The following IRAK4 variants were observed in gnomAD, a reference collection of about 807,000 sequenced individuals.
IRAK4 encodes interleukin 1 receptor associated kinase 4.
Under a neutral mutation model 51.8 loss-of-function variants are expected in IRAK4, and 44 were observed. That is an observed-to-expected ratio of 0.85 (90% CI 0.67 to 1.09). IRAK4 has a LOEUF of 1.09. Ranked by LOEUF, IRAK4 falls within the 50% of genes least tolerant of loss-of-function variation. The probability of loss-of-function intolerance (pLI) is 0.00; values close to 1 mark genes in which losing one functional copy is unlikely to be tolerated. For synonymous variants in IRAK4, 149 were observed against 174.1 expected, an observed-to-expected ratio of 0.86 and a Z score of 1.13; for missense variants, 487 against 538.0, an observed-to-expected ratio of 0.91 and a Z score of 0.94.
chr12:43,774,008 A>G lies in IRAK4; in HGVS notation c.695A>G (p.Gln232Arg), dbSNP rs1163112579. 4 of 1,610,382 alleles carry G rather than the reference A, an allele frequency of 2.5e-6. No homozygotes were observed. The highest frequency in any genetic ancestry group is 2.7e-5 in the African/African-American group (2 of 74,902). The change falls in exon 6 of 12, where the codon CAA becomes CGA. Residue 232 changes from glutamine to arginine, a missense_variant. Gln to Arg is a conservative substitution (Grantham distance 43). Transcript: ENST00000613694. Reference sequence around the variant, plus strand: ...GAAGAACTGAAACAGCAGTTTGATCAAGAAATAAAAGTAATGGCAAAGTAA... The same window carrying G: ...GAAGAACTGAAACAGCAGTTTGATCGAGAAATAAAAGTAATGGCAAAGTAA... ...TTEELKQQFDQEIKVMAKCQH... is the reference protein window; with the variant it reads ...TTEELKQQFDREIKVMAKCQH...
intron 10 of IRAK4, 102 bp downstream of exon 10, chr12:43,783,826 A>T: frequency 1.3e-6 from 1 of 785,846 alleles, no homozygotes; most frequent in Non-Finnish European, 2.2e-6. Flanking sequence ...TTCTATTGGC[A>T]ATCTTTCCAT....
intron 1 of IRAK4, among the ~76,000 whole-genome samples, chr12:43,760,481 G>A (rs1939404773): frequency 7.2e-5 from 11 of 152,160 alleles, no homozygotes; most frequent in Admixed American, 7.2e-4. Context: ...GATAAACAAA[G>A]TCAATACAAA....
At chr12:43,782,702 G>T (rs1194252202) in intron 9 of IRAK4, among the ~76,000 whole-genome samples, 2 of 152,112 alleles carry the variant, frequency 1.3e-5, no homozygotes, top group African/African-American at 4.8e-5. Context: ...TACAAGAAAT[G>T]ATTTTCTTGC....
intron 1 of IRAK4, among the ~76,000 whole-genome samples, chr12:43,764,752 T>C (rs901308165): frequency 6.6e-6 from 1 of 152,148 alleles, no homozygotes; most frequent in African/African-American, 2.4e-5. Context: ...AGAAGGACTC[T>C]GTGGTGAAGC....
Position 43,774,100 on chromosome 12 carries a change from T to C in IRAK4, c.716+71T>C. On this transcript the variant is annotated intron_variant, in intron 6 of 11. Coordinates refer to ENST00000613694, the MANE Select transcript of IRAK4 (RefSeq NM_016123.4). The stretch of plus-strand genomic sequence containing the variant: ...AAGGAGTAAAGAACCTGGTTCACTC[T>C]AGAGTATGCCATGAACTAGTGATGT... 3.0e-6 allele frequency: 3 copies of C among 995,362 alleles called. No homozygotes were observed. The Admixed American group carries it at 5.2e-5, about 17-fold the overall frequency. The allele number at this position is 995,362 out of a possible 1,614,324, so 61.7% of individuals were successfully genotyped here.
intron 2 of IRAK4, 37 bp from the exon 3 acceptor site, chr12:43,771,183 A>G (rs765913269): frequency 1.3e-6 from 2 of 1,558,890 alleles, no homozygotes; most frequent in Non-Finnish European, 1.8e-6. Flanking sequence ...GACTAAGACA[A>G]TAGACTAATT....
In IRAK4 at chr12:43,782,447, G is replaced by A. The variant is rs764106350; in HGVS notation, c.1082G>A (p.Arg361His). Reference protein sequence around the residue: ...TTAYMAPEALRGEITPKSDIY... With the variant: ...TTAYMAPEALHGEITPKSDIY... The stretch of plus-strand genomic sequence containing the variant: ...GCTTATATGGCACCAGAAGCTTTGC[G>A]TGGAGAAATAACACCCAAATCTGAT... Residue 361 changes from arginine (R) to histidine (H), a missense_variant, in exon 9 of 12, where the codon CGT becomes CAT. Coordinates refer to ENST00000613694, the MANE Select transcript of IRAK4 (RefSeq NM_016123.4). 5.0e-5 allele frequency: 80 copies of A among 1,613,728 alleles called. No individual in the cohort carries two copies. The South Asian group carries it at 6.7e-4, about 14-fold the overall frequency.
intron 9 of IRAK4, 90 bp from the exon 10 acceptor site, chr12:43,783,572 C>A: frequency 1.3e-6 from 1 of 799,096 alleles, no homozygotes; most frequent in Admixed American, 2.0e-5. Context: ...CCTCCCACAT[C>A]TGTCTCCCAA....
Position 43,782,537 on chromosome 12 carries a change from T to C in IRAK4, c.1125+47T>C, listed in dbSNP as rs141744873. The C allele has an allele frequency of 2.5e-4, 369 of 1,457,500 alleles. 2 individuals carry two copies. In the East Asian group the frequency reaches 7.3e-3, roughly 29 times the overall value. The allele number at this position is 1,457,500 out of a possible 1,614,324, so 90.3% of individuals were successfully genotyped here. A position where few individuals can be genotyped will look rare whatever the true frequency, so the allele number is the denominator to read the frequency against. On this transcript the variant is annotated intron_variant, in intron 9 of 11. Coordinates refer to ENST00000613694, the MANE Select transcript of IRAK4 (RefSeq NM_016123.4). ...ATTAAAAATAATCATTCTGCTATAATTGTGAAAATGAAGAGAATATTATTT... is the reference window on the plus strand; with the variant it reads ...ATTAAAAATAATCATTCTGCTATAACTGTGAAAATGAAGAGAATATTATTT...
intron 9 of IRAK4, 87 bp downstream of exon 9, chr12:43,782,577 G>A (rs1941872955): frequency 1.8e-6 from 2 of 1,087,918 alleles, no homozygotes; most frequent in Middle Eastern, 2.3e-4. Flanking sequence ...CACCCATCTT[G>A]TTTATCTCTC....
chr12:43,786,836 T>A lies in IRAK4; in HGVS notation c.*121T>A. 1 of 842,966 alleles carries A rather than the reference T, an allele frequency of 1.2e-6. No individual in the cohort carries two copies. Among genetic ancestry groups the A allele is most frequent in the Non-Finnish European group, 1.9e-6 (1 of 517,302 alleles). The allele number at this position is 842,966 out of a possible 1,614,324, so 52.2% of individuals were successfully genotyped here. On this transcript the variant is annotated 3_prime_UTR_variant, in exon 12 of 12. Coordinates refer to ENST00000613694, the MANE Select transcript of IRAK4 (RefSeq NM_016123.4). ...CAAGGCATAGGCTGTTGCAGGACAG[T>A]GGTTATTAAAGCATGGGTTGAACTT...
Position 43,782,166 on chromosome 12 carries a change from C to T in IRAK4, c.942-141C>T, listed in dbSNP as rs929737010. The T allele has an allele frequency of 6.2e-6, 4 of 647,902 alleles. No homozygotes were observed. In the South Asian group the frequency reaches 7.4e-5, roughly 12 times the overall value. 40.1% of individuals were successfully genotyped at this position (647,902 alleles called of 1,614,324 possible). On this transcript the variant is annotated intron_variant, in intron 8 of 11. Coordinates refer to ENST00000613694, the MANE Select transcript of IRAK4 (RefSeq NM_016123.4). ...TTATGATGCATACTATAAAACGTTA[C>T]ACTCTGTAAATATGTATGTACATAT...
chr12:43,779,620 G>T (rs1384615020), intron 8 of IRAK4, among the ~76,000 whole-genome samples: 1 of 152,150 alleles, frequency 6.6e-6, no homozygotes, highest in South Asian at 2.1e-4. Flanking sequence ...GGTTCAGGAA[G>T]AGCGAAGTAT....
At chr12:43,765,958 C>G (rs1435927953) in intron 1 of IRAK4, among the ~76,000 whole-genome samples, 2 of 152,156 alleles carry the variant, frequency 1.3e-5, no homozygotes, top group African/African-American at 4.8e-5. Context: ...TTCCCCTACC[C>G]TATACTTTTT....
At chr12:43,765,622 A>G (rs1258737435) in intron 1 of IRAK4, among the ~76,000 whole-genome samples, 2 of 141,058 alleles carry the variant, frequency 1.4e-5, no homozygotes, top group East Asian at 2.0e-4. Flanking sequence ...TTTTGGAAAT[A>G]CATTTTGCAA....
At chr12:43,772,847 G>T (rs564722737) in intron 4 of IRAK4, 65 bp from the exon 5 acceptor site, 2 of 1,185,204 alleles carry the variant, frequency 1.7e-6, no homozygotes, top group Non-Finnish European at 2.4e-6. Context: ...CTTCAAATGA[G>T]AAAATATTAT....
intron 9 of IRAK4, among the ~76,000 whole-genome samples, chr12:43,782,968 A>G (rs1941909033): frequency 1.3e-5 from 2 of 152,202 alleles, no homozygotes; most frequent in Non-Finnish European, 2.9e-5. Context: ...GCTATAGAAT[A>G]TGCCTAATGT....
intron 8 of IRAK4, 58 bp downstream of exon 8, chr12:43,778,360 C>T: frequency 1.1e-6 from 1 of 928,898 alleles, no homozygotes; most frequent in Non-Finnish European, 1.8e-6. Context: ...AATTTGCTGT[C>T]ACTCTATTCA....
rs1477625721 is a variant in IRAK4 at position 43,789,251 on chromosome 12, G to A, written c.*2536G>A. ...CCCTCATGAATGGCTTAGAGCCACT[G>A]GTGATGAGTGAGTTCTCACTCAGTT... On this transcript the variant is annotated 3_prime_UTR_variant, in exon 12 of 12. Coordinates refer to ENST00000613694, the MANE Select transcript of IRAK4 (RefSeq NM_016123.4). 1.3e-5 allele frequency: 2 copies of A among 152,172 alleles called. No homozygotes were observed. The highest frequency in any genetic ancestry group is 2.9e-5 in the Non-Finnish European group (2 of 68,046). The allele number at this position is 152,172 out of a possible 1,614,324, so 9.4% of individuals were successfully genotyped here.
Sources: allele counts gnomAD v4.1 joint callset (sites outside exome capture counted in the v4.1 genomes callset), GRCh38; gene constraint gnomAD v4.1.1; transcripts MANE v1.5; gene names NCBI Gene and HGNC (gene_info 2026-07-23, HGNC 2026-07-21).